The following CCDC138 variants were observed in gnomAD, a reference collection of about 807,000 sequenced individuals.
CCDC138 encodes coiled-coil domain-containing protein 138.
In CCDC138, 66 loss-of-function variants were observed where a neutral mutation model predicts 82.3. That is an observed-to-expected ratio of 0.80 (90% CI 0.66 to 0.98). The LOEUF (loss-of-function observed/expected upper bound fraction) is 0.98, where lower values mean the gene tolerates loss of function less well. CCDC138 is among the 50% of genes least tolerant of loss of function. The pLI, the probability that CCDC138 is intolerant of heterozygous loss-of-function variation, is 0.00. For synonymous variants in CCDC138, 297 were observed against 265.4 expected, an observed-to-expected ratio of 1.12 and a Z score of -1.16; for missense variants, 816 against 758.9, an observed-to-expected ratio of 1.08 and a Z score of -0.88.
downstream of CCDC138, among the ~76,000 whole-genome samples, chr2:108,881,329 C>A (rs536912078): frequency 1.1e-4 from 17 of 152,340 alleles, no homozygotes; most frequent in South Asian, 3.5e-3. Context: ...GCTTCCTCAG[C>A]CTTCATAGAA....
At chr2:108,843,844 T>G (rs998178553) in intron 11 of CCDC138, among the ~76,000 whole-genome samples, 41 of 22,822 alleles carry the variant, frequency 1.8e-3, no homozygotes, top group African/African-American at 2.6e-3. Flanking sequence ...AGTTCATGTT[T>G]TGTGTGTGTG....
At chr2:108,864,594 G>A (rs1463547148) in intron 13 of CCDC138, among the ~76,000 whole-genome samples, 4 of 151,984 alleles carry the variant, frequency 2.6e-5, no homozygotes, top group African/African-American at 4.8e-5. Context: ...TTAGGAGATC[G>A]AGAGCAGCCT....
chr2:108,792,202 A>G (rs1680015876), intron 4 of CCDC138, among the ~76,000 whole-genome samples: 1 of 152,192 alleles, frequency 6.6e-6, no homozygotes, highest in Non-Finnish European at 1.5e-5. Flanking sequence ...TGAGACAACC[A>G]GAAATGGCAC....
chr2:108,881,528 T>C (rs1696291453), downstream of CCDC138, among the ~76,000 whole-genome samples: 1 of 152,234 alleles, frequency 6.6e-6, no homozygotes, highest in Admixed American at 6.5e-5. Flanking sequence ...CTTTCACAAC[T>C]TCGTAGTTTG....
In CCDC138 at chr2:108,856,912, C is replaced by T; in HGVS notation, c.1635C>T (p.Ser545=). Residue 545 remains serine (S), a synonymous_variant, in exon 13 of 15, where the codon TCC becomes TCT. Transcript: ENST00000295124. ...TAATATTAAGTCATCTAAGAATATC[C>T]AGTAAAGGACTCCTGTCTAATGTTA... is the stretch of plus-strand genomic sequence containing the variant. ...VPVILSHLRI[S]SKGLLSNVID... is the part of the protein sequence containing the mutation. 6.2e-7 allele frequency: 1 copy of T among 1,612,982 alleles called. No individual in the cohort carries two copies. The highest frequency in any genetic ancestry group is 1.7e-4 in the Middle Eastern group (1 of 6,054).
chr2:108,860,793 G>T lies in CCDC138; in HGVS notation c.1693+3823G>T, dbSNP rs980759361. 2.0e-5 allele frequency among the ~76,000 whole-genome samples: 3 copies of T among 151,806 alleles called. No individual in the cohort carries two copies. In the East Asian group the frequency reaches 5.8e-4, roughly 29 times the overall value. Reference sequence around the variant, plus strand: ...TTTGTTGTGTCTTTGCCAGATTTTGGCATCAGTATGATACTGGGTTTTGGA... The same window carrying T: ...TTTGTTGTGTCTTTGCCAGATTTTGTCATCAGTATGATACTGGGTTTTGGA... On this transcript the variant is annotated intron_variant, in intron 13 of 14. Coordinates refer to ENST00000295124, the MANE Select transcript of CCDC138 (RefSeq NM_144978.3).
At chr2:108,828,166 T>C (rs1686956892) in intron 10 of CCDC138, among the ~76,000 whole-genome samples, 1 of 152,058 alleles carries the variant, frequency 6.6e-6, no homozygotes, top group Non-Finnish European at 1.5e-5. Context: ...CACCAAAATA[T>C]ATTGTAGATA....
intron 10 of CCDC138, 112 bp downstream of exon 10, chr2:108,816,217 G>C (rs749263383): frequency 1.3e-6 from 1 of 746,912 alleles, no homozygotes; most frequent in Non-Finnish European, 2.1e-6. Flanking sequence ...TTGGGAGTTC[G>C]AGCTGGGCAG....
intron 10 of CCDC138, among the ~76,000 whole-genome samples, chr2:108,831,273 C>T (rs563462635): frequency 6.6e-5 from 10 of 152,188 alleles, no homozygotes; most frequent in Admixed American, 1.3e-4. Flanking sequence ...TGATCTTAAA[C>T]GTTGAAAGGA....
intron 5 of CCDC138, among the ~76,000 whole-genome samples, chr2:108,798,045 G>A (rs1421684509): frequency 1.3e-5 from 2 of 150,554 alleles, no homozygotes; most frequent in African/African-American, 4.9e-5. Context: ...TCTAGACCTC[G>A]TTCTTTCAGC....
intron 14 of CCDC138, among the ~76,000 whole-genome samples, chr2:108,874,643 T>C (rs977839890): frequency 1.3e-5 from 2 of 152,174 alleles, no homozygotes; most frequent in African/African-American, 4.8e-5. Flanking sequence ...CTTGAAATTA[T>C]TTGTAGATAG....
At chr2:108,841,708 G>T (rs1014960736) in intron 11 of CCDC138, among the ~76,000 whole-genome samples, 2 of 151,674 alleles carry the variant, frequency 1.3e-5, no homozygotes, top group Non-Finnish European at 2.9e-5. Context: ...TGTTTTAATT[G>T]GTGTTTTAGG....
At chr2:108,799,398 A>T (rs1681515378) in intron 6 of CCDC138, among the ~76,000 whole-genome samples, 1 of 152,194 alleles carries the variant, frequency 6.6e-6, no homozygotes, top group South Asian at 2.1e-4. Context: ...ACAACCATCA[A>T]CAAGATCAAG....
intron 10 of CCDC138, among the ~76,000 whole-genome samples, chr2:108,838,146 G>T (rs1247171548): frequency 6.6e-6 from 1 of 152,010 alleles, no homozygotes; most frequent in African/African-American, 2.4e-5. Context: ...ATTGCCTCCT[G>T]GGATACAAGG....
At chr2:108,872,471 T>G (rs1695420122) in intron 13 of CCDC138, among the ~76,000 whole-genome samples, 1 of 152,234 alleles carries the variant, frequency 6.6e-6, no homozygotes, top group Non-Finnish European at 1.5e-5. Flanking sequence ...AACCATTGTC[T>G]CCAGTGCTCC....
At chr2:108,799,140 G>C (rs564694939) in intron 6 of CCDC138, among the ~76,000 whole-genome samples, 1 of 152,164 alleles carries the variant, frequency 6.6e-6, no homozygotes, top group East Asian at 1.9e-4. Context: ...TTTGAATCTA[G>C]AGCACTCAAC....
At chr2:108,869,547 G>T (rs1558765104) in intron 13 of CCDC138, among the ~76,000 whole-genome samples, 2 of 152,246 alleles carry the variant, frequency 1.3e-5, no homozygotes, top group East Asian at 3.9e-4. Flanking sequence ...CATGAAAACT[G>T]CAGGGAGACT....
At chr2:108,847,933 C>A (rs969733458) in intron 12 of CCDC138, among the ~76,000 whole-genome samples, 3 of 152,048 alleles carry the variant, frequency 2.0e-5, no homozygotes, top group Non-Finnish European at 4.4e-5. Flanking sequence ...AGGTCACTTA[C>A]GAGAAGCAGG....
chr2:108,826,021 T>A (rs1214540976), intron 10 of CCDC138, among the ~76,000 whole-genome samples: 1 of 152,220 alleles, frequency 6.6e-6, no homozygotes. Context: ...TTGAACATCA[T>A]TTCATGTGCT....
Sources: allele counts gnomAD v4.1 joint callset (sites outside exome capture counted in the v4.1 genomes callset), GRCh38; gene constraint gnomAD v4.1.1; transcripts MANE v1.5; gene names NCBI Gene and HGNC (gene_info 2026-07-23, HGNC 2026-07-21).